PROSER1: variants seen among roughly 807,000 people sequenced by gnomAD.
PROSER1 encodes proline and serine rich 1.
A neutral mutation model predicts 71.8 loss-of-function variants in PROSER1; 36 were observed. The observed-to-expected ratio is 0.50, with a 90% CI of 0.38 to 0.66. PROSER1 has a LOEUF of 0.66. PROSER1 is among the 30% of genes least tolerant of loss of function. The probability of loss-of-function intolerance (pLI) is 0.00; values close to 1 mark genes in which losing one functional copy is unlikely to be tolerated. For synonymous variants in PROSER1, 490 were observed against 452.4 expected (o/e 1.08, Z -1.06); for missense variants, 1,107 against 1,135.0 (o/e 0.98, Z 0.35).
Position 39,017,548 on chromosome 13 carries a change from TATAAAA to T in PROSER1, c.731-10_731-5del, listed in dbSNP as rs1566023553. On this transcript the variant is annotated splice_polypyrimidine_tract_variant and splice_region_variant and intron_variant, in intron 9 of 12. Transcript: ENST00000352251. The stretch of plus-strand genomic sequence containing the variant: ...GGATTCGAAAGGTCTTCATTCTCTA[TATAAAA>T]ATAAATAAAAGTTCATTTTAAACTT... The T allele has an allele frequency of 1.4e-6, 2 of 1,429,932 alleles. No homozygotes were observed. Among genetic ancestry groups the T allele is most frequent in the Non-Finnish European group, 1.9e-6 (2 of 1,038,168 alleles). The allele number at this position is 1,429,932 out of a possible 1,614,324, so 88.6% of individuals were successfully genotyped here. A position where few individuals can be genotyped will look rare whatever the true frequency, so the allele number is the denominator to read the frequency against.
Position 39,037,315 on chromosome 13 carries a change from G to T in PROSER1, c.-73C>A. ...AAGACGTTCATCCCTGGTCTGCTCC[G>T]CCGATAGTAAAAAATATTTATAGCT... On this transcript the variant is annotated 5_prime_UTR_variant, in exon 1 of 13. Transcript: ENST00000352251. 9.2e-7 allele frequency: 1 copy of T among 1,088,042 alleles called. No homozygotes were observed. Among genetic ancestry groups the T allele is most frequent in the Non-Finnish European group, 1.4e-6 (1 of 704,392 alleles). 67.4% of individuals were successfully genotyped at this position (1,088,042 alleles called of 1,614,324 possible).
At position 39,010,062 on chromosome 13, in the gene PROSER1, TAAA is replaced by T. The variant is rs1869566299; in HGVS notation, c.*1300_*1302del. On this transcript the variant is annotated 3_prime_UTR_variant, in exon 13 of 13. Transcript: ENST00000352251. ...TCAGTAGTATAAACAGAGTTACAAC[TAAA>T]TTTGGATAAAAATGTTCAATAATTA... is the stretch of plus-strand genomic sequence containing the variant. 6.6e-6 allele frequency: 1 copy of T among 152,596 alleles called. No individual in the cohort carries two copies. The highest frequency in any genetic ancestry group is 1.5e-5 in the Non-Finnish European group (1 of 68,026). 9.5% of individuals were successfully genotyped at this position (152,596 alleles called of 1,614,324 possible). A position where few individuals can be genotyped will look rare whatever the true frequency, so the allele number is the denominator to read the frequency against.
Position 39,031,598 on chromosome 13 carries a change from C to T in PROSER1, c.145G>A (p.Glu49Lys), listed in dbSNP as rs761723894. Residue 49 changes from glutamate (E) to lysine (K), a missense_variant, in exon 3 of 13, where the codon GAG (glutamate) becomes AAG (lysine). Coordinates refer to ENST00000352251, the MANE Select transcript of PROSER1 (RefSeq NM_025138.5). ...VDLLRYFSWA[E>K]PQLKAMKALQ... ...GCTTTCATTGCCTTCAACTGGGGCT[C>T]GGCCCAGGAAAAATATCTCAGCAAA... 9 of 1,612,922 alleles carry T rather than the reference C, an allele frequency of 5.6e-6. No individual in the cohort carries two copies. Among genetic ancestry groups the T allele is most frequent in the South Asian group, 1.1e-5 (1 of 90,918 alleles).
At chr13:39,022,507 C>A in intron 8 of PROSER1, 95 bp from the exon 9 acceptor site, 1 of 780,484 alleles carries the variant, frequency 1.3e-6, no homozygotes, top group Non-Finnish European at 2.2e-6. Context: ...ATTAATGCAG[C>A]TATTCAATTT....
At chr13:39,029,037 A>G (rs1013382697) in intron 4 of PROSER1, 9 of 300,580 alleles carry the variant, frequency 3.0e-5, no homozygotes, top group Non-Finnish European at 4.8e-5. Context: ...TAGGAAGGCA[A>G]AGCAAATAAC....
chr13:39,021,369 T>G (rs1030486268), intron 9 of PROSER1, among the ~76,000 whole-genome samples: 2 of 152,120 alleles, frequency 1.3e-5, no homozygotes, highest in African/African-American at 4.8e-5. Flanking sequence ...AATAAAAGTT[T>G]AGAGGCAGAA....
At position 39,012,184 on chromosome 13, in the gene PROSER1, A is replaced by AAAGGCC. The variant is rs1302039443; in HGVS notation, c.2605_2610dup (p.Gly869_Leu870dup). 1.2e-6 allele frequency: 2 copies of AAAGGCC among 1,614,080 alleles called. No individual in the cohort carries two copies. The highest frequency in any genetic ancestry group is 2.7e-5 in the African/African-American group (2 of 74,952). ...AACCCAGGGATACCCGGGAGGGACA[A>AAAGGCC]AAGGCCTGGAAAAACAGAACTGCCT... is the stretch of plus-strand genomic sequence containing the variant. On this transcript the variant is annotated inframe_insertion, in exon 12 of 13. Transcript: ENST00000352251.
rs766620800 is a variant in PROSER1 at position 39,014,093 on chromosome 13, G to A, written c.1159C>T (p.Arg387Trp). The A allele has an allele frequency of 9.9e-6, 16 of 1,614,102 alleles. No individual in the cohort carries two copies. Among genetic ancestry groups the A allele is most frequent in the Admixed American group, 3.3e-5 (2 of 60,008 alleles). ...AATPTPGPTP[R>W]STLGSSEAFA... Reference sequence around the variant, plus strand: ...GCTTCACTGGAACCAAGAGTGGACCGTGGTGTAGGTCCTGGGGTAGGAGTG... The same window carrying A: ...GCTTCACTGGAACCAAGAGTGGACCATGGTGTAGGTCCTGGGGTAGGAGTG... Residue 387 changes from arginine to tryptophan, a missense_variant, in exon 11 of 13, where the codon CGG becomes TGG. Arg to Trp is a moderately radical substitution (Grantham distance 101). Coordinates refer to ENST00000352251, the MANE Select transcript of PROSER1 (RefSeq NM_025138.5).
intron 5 of PROSER1, 145 bp downstream of exon 5, chr13:39,028,082 C>T: frequency 2.1e-6 from 1 of 467,264 alleles, no homozygotes; most frequent in Non-Finnish European, 3.9e-6. Flanking sequence ...TTCCACGCCG[C>T]AGACCGCAGG....
intron 9 of PROSER1, among the ~76,000 whole-genome samples, chr13:39,018,797 T>A (rs1447690740): frequency 6.6e-6 from 1 of 151,990 alleles, no homozygotes; most frequent in African/African-American, 2.4e-5. Context: ...ATTAAAAGAA[T>A]AACGAAAACA....
At position 39,012,109 on chromosome 13, in the gene PROSER1, C is replaced by T. The variant is rs995442638; in HGVS notation, c.2686G>A (p.Ala896Thr). ...TGCTGTAACAATGCTGACTGCGCAG[C>T]CGCATTATGCTGTAATTCTTGCAAG... is the stretch of plus-strand genomic sequence containing the variant. Reference protein sequence around the residue: ...SSLQELQHNAAAQSALLQQVH... With the variant: ...SSLQELQHNATAQSALLQQVH... The change falls in exon 12 of 13, where the codon GCT becomes ACT. Residue 896 changes from alanine (A) to threonine (T), a missense_variant. Coordinates refer to ENST00000352251, the MANE Select transcript of PROSER1 (RefSeq NM_025138.5). 6.2e-7 allele frequency: 1 copy of T among 1,614,058 alleles called. No individual in the cohort carries two copies. Among genetic ancestry groups the T allele is most frequent in the Non-Finnish European group, 8.5e-7 (1 of 1,179,994 alleles).
chr13:39,036,758 A>C (rs966869873), intron 1 of PROSER1, among the ~76,000 whole-genome samples: 2 of 152,222 alleles, frequency 1.3e-5, no homozygotes, highest in African/African-American at 4.8e-5. Context: ...CCAACGCAAC[A>C]AATATACTCT....
intron 9 of PROSER1, among the ~76,000 whole-genome samples, chr13:39,018,327 A>G (rs1020252953): frequency 6.6e-6 from 1 of 152,230 alleles, no homozygotes; most frequent in Admixed American, 6.5e-5. Context: ...ACAGGCATAC[A>G]GTGTAAAGGA....
chr13:39,016,676 T>C (rs539391058), intron 10 of PROSER1, among the ~76,000 whole-genome samples: 6 of 152,292 alleles, frequency 3.9e-5, no homozygotes, highest in African/African-American at 1.4e-4. Flanking sequence ...AAATTACCTG[T>C]TCAAGGTCAC....
At chr13:39,018,753 G>A (rs1870140115) in intron 9 of PROSER1, among the ~76,000 whole-genome samples, 1 of 152,066 alleles carries the variant, frequency 6.6e-6, no homozygotes, top group South Asian at 2.1e-4. Flanking sequence ...AGAGTAGCAG[G>A]AGGAGGGGAA....
At chr13:39,018,916 G>C (rs147837750) in intron 9 of PROSER1, among the ~76,000 whole-genome samples, 3,771 of 152,104 alleles carry the variant, frequency 0.025, 77 homozygotes, top group Non-Finnish European at 0.035. Flanking sequence ...TAAAATTTCT[G>C]AAATCCAAAG....
At chr13:39,031,534 C>T (rs778078162) in intron 3 of PROSER1, 29 bp downstream of exon 3, 22 of 1,489,946 alleles carry the variant, frequency 1.5e-5, no homozygotes, top group Admixed American at 1.9e-5. Context: ...TTAAATTCTA[C>T]GTTCTGAAGG....
At chr13:39,019,516 CAAAAAAAA>C (rs1183602451) in intron 9 of PROSER1, among the ~76,000 whole-genome samples, 98 of 40,832 alleles carry the variant, frequency 2.4e-3, no homozygotes, top group Admixed American at 6.3e-3. Context: ...AACTCTGTCT[CAAAAAAAA>C]AAAAAAAAAA....
In PROSER1 at chr13:39,031,859, A is replaced by G. The variant is rs1870861467; in HGVS notation, c.112-228T>C. 18 of 504,142 alleles carry G rather than the reference A, an allele frequency of 3.6e-5. No homozygotes were observed. In the South Asian group the frequency reaches 5.8e-4, roughly 16 times the overall value. 31.2% of individuals were successfully genotyped at this position (504,142 alleles called of 1,614,324 possible). On this transcript the variant is annotated intron_variant, in intron 2 of 12. Transcript: ENST00000352251. ...AATCAGTTCCTTAGTGACACAAGCTACATTTCAAGTGCTCCAGAGCTATGT... is the reference window on the plus strand; with the variant it reads ...AATCAGTTCCTTAGTGACACAAGCTGCATTTCAAGTGCTCCAGAGCTATGT...
Sources: allele counts gnomAD v4.1 joint callset (sites outside exome capture counted in the v4.1 genomes callset), GRCh38; gene constraint gnomAD v4.1.1; transcripts MANE v1.5; gene names NCBI Gene and HGNC (gene_info 2026-07-23, HGNC 2026-07-21).